The following GLRB variants were observed in gnomAD, a reference collection of about 807,000 sequenced individuals.
GLRB encodes the protein glycine receptor beta, also known as glycine receptor subunit beta.
Under a neutral mutation model 54.2 loss-of-function variants are expected in GLRB, and 33 were observed. That is an observed-to-expected ratio of 0.61 (90% CI 0.46 to 0.81). The LOEUF is 0.81. Among genes scored for constraint, GLRB ranks in the 40% least tolerant of loss-of-function variants. The pLI is 0.00. For synonymous variants in GLRB, 209 were observed against 208.2 expected (o/e 1.00, Z -0.03); for missense variants, 572 against 584.6 (o/e 0.98, Z 0.22).
At chr4:157,169,595 T>C (rs1018685847) in intron 9 of GLRB, among the ~76,000 whole-genome samples, 1 of 152,104 alleles carries the variant, frequency 6.6e-6, no homozygotes, top group African/African-American at 2.4e-5. Context: ...ACTGTATTTT[T>C]GATCTGCATT....
Position 157,170,690 on chromosome 4 carries a change from T to G in GLRB, c.1456T>G (p.Leu486Val), listed in dbSNP as rs2126638141. 6.3e-7 allele frequency: 1 copy of G among 1,597,558 alleles called. No homozygotes were observed. Among genetic ancestry groups the G allele is most frequent in the Non-Finnish European group, 8.6e-7 (1 of 1,169,286 alleles). The change falls in exon 10 of 10, where the codon TTG becomes GTG. Residue 486 changes from leucine to valine, a missense_variant. Physicochemically the swap from Leu to Val is conservative, Grantham distance 32 (BLOSUM62 1). Transcript: ENST00000264428. ...AAGAGCATTGTTTCCTTTCTGCTTC[T>G]TGTTCTTCAATGTTATATATTGGTC... Reference protein sequence around the residue: ...YARALFPFCFLFFNVIYWSIY... With the variant: ...YARALFPFCFVFFNVIYWSIY...
intron 2 of GLRB, among the ~76,000 whole-genome samples, chr4:157,112,778 A>C (rs1186580284): frequency 6.6e-6 from 1 of 151,882 alleles, no homozygotes; most frequent in Non-Finnish European, 1.5e-5. Context: ...CCTCTAGGAC[A>C]AGACACCTTA....
intron 9 of GLRB, among the ~76,000 whole-genome samples, chr4:157,160,176 G>T (rs900629030): frequency 2.0e-5 from 3 of 152,172 alleles, no homozygotes; most frequent in South Asian, 2.1e-4. Context: ...GATCGGTGGT[G>T]ATATACCCTT....
intron 8 of GLRB, among the ~76,000 whole-genome samples, chr4:157,149,626 G>C (rs551906961): frequency 2.0e-5 from 3 of 151,752 alleles, no homozygotes; most frequent in Non-Finnish European, 1.5e-5. Flanking sequence ...TTTATTAATA[G>C]TAGTACTTTT....
intron 2 of GLRB, among the ~76,000 whole-genome samples, chr4:157,108,679 A>C (rs2126501151): frequency 6.6e-6 from 1 of 152,242 alleles, no homozygotes; most frequent in East Asian, 1.9e-4. Context: ...GAACAATGTC[A>C]AAATGACAAC....
At chr4:157,092,416 T>G (rs6819190) in intron 2 of GLRB, among the ~76,000 whole-genome samples, 64,239 of 152,060 alleles carry the variant, frequency 0.42, 16,176 homozygotes, top group African/African-American at 0.71. Context: ...ATTCTACAAG[T>G]TGGATTACCT....
At chr4:157,159,235 A>T (rs1737368269) in intron 9 of GLRB, among the ~76,000 whole-genome samples, 1 of 152,154 alleles carries the variant, frequency 6.6e-6, no homozygotes, top group African/African-American at 2.4e-5. Flanking sequence ...TTTTGGGTTG[A>T]GACAATGGGG....
intron 9 of GLRB, 126 bp downstream of exon 9, chr4:157,153,136 G>A: frequency 1.2e-6 from 1 of 857,914 alleles, no homozygotes; most frequent in South Asian, 1.4e-5. Context: ...TCTCACAGAT[G>A]AAAACAAACT....
chr4:157,146,472 A>G (rs977889514), intron 8 of GLRB, among the ~76,000 whole-genome samples: 17 of 152,254 alleles, frequency 1.1e-4, no homozygotes, highest in South Asian at 6.2e-4. Context: ...GACAATTGCA[A>G]TAATTCAGGT....
chr4:157,160,695 G>A (rs1401786991), intron 9 of GLRB, among the ~76,000 whole-genome samples: 3 of 152,038 alleles, frequency 2.0e-5, no homozygotes, highest in Non-Finnish European at 2.9e-5. Flanking sequence ...TGGTCTGAGA[G>A]ACAGTTTGTT....
intron 7 of GLRB, among the ~76,000 whole-genome samples, chr4:157,142,397 G>T (rs568566208): frequency 1.3e-5 from 2 of 152,092 alleles, no homozygotes; most frequent in Non-Finnish European, 2.9e-5. Context: ...ATTTGCTTCA[G>T]TCGAAAGCAA....
At position 157,121,209 on chromosome 4, in the gene GLRB, C is replaced by T. The variant is rs72685572; in HGVS notation, c.229+547C>T. ...TTAGCTTTGTGAATAAAAGTGATTA[C>T]GTAGTCCACAACATAGATTATTTTT... is the stretch of plus-strand genomic sequence containing the variant. On this transcript the variant is annotated intron_variant, in intron 3 of 9. Coordinates refer to ENST00000264428, the MANE Select transcript of GLRB (RefSeq NM_000824.5). Among the ~76,000 whole-genome samples the T allele has an allele frequency of 6.9e-4, 104 of 151,744 alleles. 1 individual carries two copies. The highest frequency in any genetic ancestry group is 2.2e-3 in the African/African-American group (91 of 41,496).
At chr4:157,144,002 T>C (rs777629254) in intron 8 of GLRB, 43 bp downstream of exon 8, 2 of 1,560,360 alleles carry the variant, frequency 1.3e-6, no homozygotes, top group East Asian at 4.5e-5. Context: ...GAACAGATTA[T>C]ATCTTTATCT....
At chr4:157,159,186 C>T (rs1473875076) in intron 9 of GLRB, among the ~76,000 whole-genome samples, 2 of 152,086 alleles carry the variant, frequency 1.3e-5, no homozygotes, top group African/African-American at 4.8e-5. Flanking sequence ...GATTTTGTAT[C>T]CTGAGACTTT....
At chr4:157,094,166 C>G (rs576937385) in intron 2 of GLRB, among the ~76,000 whole-genome samples, 1 of 152,302 alleles carries the variant, frequency 6.6e-6, no homozygotes, top group East Asian at 1.9e-4. Context: ...GTAACCAGCA[C>G]ACGGATCTAG....
At chr4:157,119,953 A>G (rs1388321549) in intron 2 of GLRB, among the ~76,000 whole-genome samples, 2 of 151,858 alleles carry the variant, frequency 1.3e-5, no homozygotes, top group African/African-American at 4.8e-5. Flanking sequence ...TTGCGGCACT[A>G]TTCACAATAG....
chr4:157,165,518 A>T (rs1186631782), intron 9 of GLRB, among the ~76,000 whole-genome samples: 2 of 152,034 alleles, frequency 1.3e-5, no homozygotes, highest in African/African-American at 4.8e-5. Flanking sequence ...GAAATGAATG[A>T]TTTAAAAAGT....
rs1737929604 is a variant in GLRB at position 157,171,710 on chromosome 4, T to A, written c.*982T>A. The stretch of plus-strand genomic sequence containing the variant: ...TTTAAGTAAAATTAAAAATGTTTAC[T>A]GAATTTATTTTTTTATTTGAATATT... On this transcript the variant is annotated 3_prime_UTR_variant, in exon 10 of 10. Coordinates refer to ENST00000264428, the MANE Select transcript of GLRB (RefSeq NM_000824.5). 6.6e-6 allele frequency: 1 copy of A among 152,148 alleles called. No individual in the cohort carries two copies. Among genetic ancestry groups the A allele is most frequent in the Non-Finnish European group, 1.5e-5 (1 of 67,848 alleles). The allele number at this position is 152,148 out of a possible 1,614,324, so 9.4% of individuals were successfully genotyped here. A position where few individuals can be genotyped will look rare whatever the true frequency, so the allele number is the denominator to read the frequency against.
At chr4:157,162,181 T>A (rs1737524124) in intron 9 of GLRB, among the ~76,000 whole-genome samples, 1 of 152,230 alleles carries the variant, frequency 6.6e-6, no homozygotes, top group Non-Finnish European at 1.5e-5. Context: ...TTCAGCTCCA[T>A]CAGGTCATTT....
Sources: allele counts gnomAD v4.1 joint callset (sites outside exome capture counted in the v4.1 genomes callset), GRCh38; gene constraint gnomAD v4.1.1; transcripts MANE v1.5; gene names NCBI Gene and HGNC (gene_info 2026-07-23, HGNC 2026-07-21).